The following DPP6 variants were observed in gnomAD, a reference collection of about 807,000 sequenced individuals.
The protein encoded by DPP6 is dipeptidyl peptidase like 6, also known as A-type potassium channel modulatory protein DPP6.
In DPP6, 69 loss-of-function variants were observed where a neutral mutation model predicts 122.6. The observed-to-expected ratio is 0.56, with a 90% CI of 0.46 to 0.69. The LOEUF (loss-of-function observed/expected upper bound fraction) is 0.69. Among genes scored for constraint, DPP6 ranks in the 30% least tolerant of loss-of-function variants. The pLI is 0.00. For synonymous variants in DPP6, 418 were observed against 433.1 expected (o/e 0.97, Z 0.43); for missense variants, 928 against 1,116.9 (o/e 0.83, Z 2.41).
chr7:154,563,788 C>T (rs1830573778), intron 4 of DPP6, among the ~76,000 whole-genome samples: 2 of 152,060 alleles, frequency 1.3e-5, no homozygotes, highest in Non-Finnish European at 2.9e-5. Flanking sequence ...ATTTGACACT[C>T]AAGTACAGAT....
At chr7:154,674,549 A>G (rs933064560) in intron 7 of DPP6, among the ~76,000 whole-genome samples, 5 of 152,246 alleles carry the variant, frequency 3.3e-5, no homozygotes, top group Admixed American at 6.5e-5. Flanking sequence ...GGCAACATTA[A>G]GAATTCAAAG....
At position 154,863,344 on chromosome 7, in the gene DPP6, ATTTT is replaced by A. The variant is rs36007704; in HGVS notation, c.1715-4639_1715-4636del. Among the ~76,000 whole-genome samples the A allele has an allele frequency of 2.0e-4, 29 of 141,546 alleles. No individual in the cohort carries two copies. Among genetic ancestry groups the A allele is most frequent in the Middle Eastern group, 3.8e-3 (1 of 264 alleles). 92.9% of individuals were successfully genotyped at this position (141,546 alleles called of 152,430 possible). A position where few individuals can be genotyped will look rare whatever the true frequency, so the allele number is the denominator to read the frequency against. On this transcript the variant is annotated intron_variant, in intron 17 of 25. Coordinates refer to ENST00000377770, the MANE Select transcript of DPP6 (RefSeq NM_130797.4). This position sits in a 1 kb window ranked among gnomAD's most constrained non-coding sequence, Gnocchi z 4.1. ...CAAGATTCTACAATCCTTTCATAGG[ATTTT>A]TTTTTTTTTTTGAGATGGGGGTCTT... is the stretch of plus-strand genomic sequence containing the variant.
intron 1 of DPP6, among the ~76,000 whole-genome samples, chr7:154,319,418 G>A (rs965607237): frequency 1.5e-4 from 23 of 152,200 alleles, no homozygotes; most frequent in Admixed American, 5.9e-4. Context: ...ATGAGACTGG[G>A]CATGGTGATT....
chr7:154,768,167 G>A (rs996666730), intron 8 of DPP6, among the ~76,000 whole-genome samples: 10 of 152,192 alleles, frequency 6.6e-5, no homozygotes, highest in South Asian at 2.1e-4. Context: ...CTGACCTGGC[G>A]CTAAGCCCCC....
chr7:154,064,108 C>T (rs956650358), intron 1 of DPP6, among the ~76,000 whole-genome samples: 2 of 152,162 alleles, frequency 1.3e-5, no homozygotes, highest in African/African-American at 4.8e-5. Flanking sequence ...AATGGTAGGA[C>T]AAACAGAGCC....
intron 17 of DPP6, among the ~76,000 whole-genome samples, chr7:154,860,644 A>G (rs1176556359): frequency 6.6e-6 from 1 of 152,226 alleles, no homozygotes; most frequent in Non-Finnish European, 1.5e-5. Context: ...ACAGAATCCT[A>G]CAGCCTGTGG....
At chr7:154,641,656 C>T (rs984910017) in intron 6 of DPP6, among the ~76,000 whole-genome samples, 2 of 152,178 alleles carry the variant, frequency 1.3e-5, no homozygotes, top group African/African-American at 2.4e-5. Flanking sequence ...ATACATAATA[C>T]ACACTTTTAA....
Position 154,171,074 on chromosome 7 carries a change from T to C in DPP6, c.243+118011T>C, listed in dbSNP as rs1166227365. 4.6e-5 allele frequency among the ~76,000 whole-genome samples: 7 copies of C among 152,194 alleles called. No individual in the cohort carries two copies. In the East Asian group the frequency reaches 7.7e-4, roughly 17 times the overall value. On this transcript the variant is annotated intron_variant, in intron 1 of 25. Coordinates refer to ENST00000377770, the MANE Select transcript of DPP6 (RefSeq NM_130797.4). ...TTGTTTTGACCTAAAGCAAAAACCA[T>C]TATTCTCTGAGTTTGTAGGTAAGCT...
chr7:154,734,985 C>T (rs999938434), intron 8 of DPP6, among the ~76,000 whole-genome samples: 1 of 152,158 alleles, frequency 6.6e-6, no homozygotes, highest in African/African-American at 2.4e-5. Context: ...TTCCCAAACT[C>T]GGTAAAATAA....
At chr7:154,694,698 T>A (rs1840117092) in intron 7 of DPP6, among the ~76,000 whole-genome samples, 1 of 152,204 alleles carries the variant, frequency 6.6e-6, no homozygotes, top group Non-Finnish European at 1.5e-5. Flanking sequence ...ATCCTTGATG[T>A]AAGTGATGAA....
At position 153,973,979 on chromosome 7, in the gene DPP6, T is replaced by G. The variant is rs1796165423; in HGVS notation, c.51+86245T>G. Among the ~76,000 whole-genome samples the G allele has an allele frequency of 2.0e-5, 3 of 151,930 alleles. No individual in the cohort carries two copies. The East Asian group carries it at 5.8e-4, about 29-fold the overall frequency. On this transcript the variant is annotated intron_variant, in intron 1 of 25. Coordinates refer to the DPP6 transcript ENST00000404039. ...TTACCCGATGAACCCTTAGCCATCC[T>G]TGTTAGTCCTGCAGACAACCGTGAA...
the DPP6 span, among the ~76,000 whole-genome samples, chr7:153,784,137 C>A: frequency 6.6e-6 from 1 of 152,164 alleles, no homozygotes; most frequent in African/African-American, 2.4e-5. Flanking sequence ...TTTTCCATTT[C>A]TTGTTGTACA....
At chr7:154,520,043 T>C (rs994310836) in intron 3 of DPP6, among the ~76,000 whole-genome samples, 1 of 152,188 alleles carries the variant, frequency 6.6e-6, no homozygotes, top group Non-Finnish European at 1.5e-5. Flanking sequence ...AAGTAACTGC[T>C]CTCAAAAAAC....
chr7:154,536,631 A>T (rs1828277701), intron 3 of DPP6, among the ~76,000 whole-genome samples: 1 of 152,308 alleles, frequency 6.6e-6, no homozygotes, highest in African/African-American at 2.4e-5. Flanking sequence ...ATCCTAAGGA[A>T]CACCAAACCC....
chr7:154,652,007 T>G (rs562158138), intron 6 of DPP6, among the ~76,000 whole-genome samples: 1 of 152,280 alleles, frequency 6.6e-6, no homozygotes, highest in South Asian at 2.1e-4. Flanking sequence ...CCCTTAAGAA[T>G]TTAAAGGAAG....
intron 1 of DPP6, among the ~76,000 whole-genome samples, chr7:153,932,032 T>G (rs1400960261): frequency 6.6e-6 from 1 of 152,156 alleles, no homozygotes; most frequent in African/African-American, 2.4e-5. Flanking sequence ...CATTTACAAA[T>G]GACGAAAGTG....
At chr7:153,763,395 G>A in the DPP6 span, among the ~76,000 whole-genome samples, 8 of 95,772 alleles carry the variant, frequency 8.4e-5, no homozygotes, top group Admixed American at 1.1e-4. Context: ...AAAAAAAAAA[G>A]GTCTTCTGAA....
the DPP6 span, among the ~76,000 whole-genome samples, chr7:153,881,749 G>A: frequency 1.3e-5 from 2 of 152,044 alleles, no homozygotes; most frequent in Non-Finnish European, 2.9e-5. Flanking sequence ...ATAGTGTACT[G>A]AACTACTCAG....
At chr7:154,858,369 A>G (rs61351755) in intron 17 of DPP6, 5 of 152,400 alleles carry the variant, frequency 3.3e-5, no homozygotes, top group East Asian at 3.9e-4. Context: ...TGCGGCTCCA[A>G]CAGAGCCTGT....
Sources: allele counts gnomAD v4.1 joint callset (sites outside exome capture counted in the v4.1 genomes callset), GRCh38; gene constraint gnomAD v4.1.1; non-coding constraint Gnocchi (gnomAD v3.1); transcripts MANE v1.5; gene names NCBI Gene and HGNC (gene_info 2026-07-23, HGNC 2026-07-21).